Variants in PTPN22 observed in about 807,000 individuals in gnomAD.
The protein encoded by PTPN22 is tyrosine-protein phosphatase non-receptor type 22.
Under a neutral mutation model 103.3 loss-of-function variants are expected in PTPN22, and 85 were observed. The observed-to-expected ratio is 0.82, with a 90% CI of 0.69 to 0.99. The LOEUF is 0.99. Ranked by LOEUF, PTPN22 falls within the 50% of genes least tolerant of loss-of-function variation. The pLI is 0.00. For synonymous variants in PTPN22, 323 were observed against 310.2 expected (o/e 1.04, Z -0.43); for missense variants, 865 against 936.9 (o/e 0.92, Z 1.00).
intron 13 of PTPN22, 37 bp from the exon 14 acceptor site, chr1:113,835,030 A>G: frequency 7.8e-7 from 1 of 1,274,846 alleles, no homozygotes; most frequent in Non-Finnish European, 1.1e-6. Context: ...ACAATTGTTA[A>G]TTAGAACAAT....
chr1:113,824,991 A>C, intron 19 of PTPN22, 151 bp downstream of exon 19: 1 of 252,234 alleles, frequency 4.0e-6, no homozygotes. Flanking sequence ...AAAAAAAAGG[A>C]GGCCTATGGG....
exon 2 of PTPN22, chr1:113,859,426 T>C: frequency 6.2e-7 from 1 of 1,613,938 alleles, no homozygotes; most frequent in Non-Finnish European, 8.5e-7. Flanking sequence ...ATAGGTTTTG[T>C]CTGCCTTGTA....
At chr1:113,835,050 A>G in intron 13 of PTPN22, 57 bp from the exon 14 acceptor site, 1 of 938,118 alleles carries the variant, frequency 1.1e-6, no homozygotes, top group South Asian at 2.3e-5. Context: ...TCCAAAGGAA[A>G]TTCTTATATT....
intron 4 of PTPN22, 124 bp downstream of exon 4, chr1:113,858,354 C>T (rs1420793803): frequency 2.0e-5 from 13 of 640,936 alleles, no homozygotes; most frequent in East Asian, 6.1e-5. Context: ...TTTCCTTGGA[C>T]AAGAATGGCA....
At chr1:113,819,529 A>T in intron 20 of PTPN22, 48 bp downstream of exon 20, 2 of 1,398,644 alleles carry the variant, frequency 1.4e-6, no homozygotes, top group Non-Finnish European at 2.0e-6. Context: ...ACTGTAAATG[A>T]GTAATTTAGG....
chr1:113,831,167 C>T (rs1662511135), intron 16 of PTPN22, among the ~76,000 whole-genome samples: 1 of 152,148 alleles, frequency 6.6e-6, no homozygotes, highest in African/African-American at 2.4e-5. Flanking sequence ...ACTCCCCTAA[C>T]AAAGAACCCA....
At chr1:113,839,131 G>A (rs1307509637) in intron 11 of PTPN22, among the ~76,000 whole-genome samples, 1 of 152,054 alleles carries the variant, frequency 6.6e-6, no homozygotes, top group East Asian at 1.9e-4. Context: ...TCCAAATTTT[G>A]CATGGCTGGC....
chr1:113,834,999 CA>C lies in PTPN22; in HGVS notation c.1811-7del, dbSNP rs748366120. The C allele has an allele frequency of 6.0e-6, 9 of 1,502,176 alleles. No individual in the cohort carries two copies. In the African/African-American group the frequency reaches 1.0e-4, roughly 17 times the overall value. 93.1% of individuals were successfully genotyped at this position (1,502,176 alleles called of 1,614,324 possible). Reference sequence around the variant, plus strand: ...ATCTATCCTTGGAGCAGTTGCTATCCAAAATGTCAAAAATATTGTAACAATT... The same window carrying C: ...ATCTATCCTTGGAGCAGTTGCTATCCAAATGTCAAAAATATTGTAACAATT... On this transcript the variant is annotated splice_region_variant and splice_polypyrimidine_tract_variant and intron_variant, in intron 13 of 20. Transcript: ENST00000359785.
intron 18 of PTPN22, among the ~76,000 whole-genome samples, chr1:113,826,717 T>G (rs1418401891): frequency 8.1e-5 from 10 of 123,814 alleles, no homozygotes; most frequent in African/African-American, 2.5e-4. Context: ...TCGCCCAGGC[T>G]GGAGTGCAGT....
At chr1:113,850,083 C>T (rs1029741812) in intron 10 of PTPN22, among the ~76,000 whole-genome samples, 1 of 151,884 alleles carries the variant, frequency 6.6e-6, no homozygotes, top group African/African-American at 2.4e-5. Flanking sequence ...TGGAGTCCCA[C>T]CTACTCGGGA....
At chr1:113,858,721 C>T in intron 3 of PTPN22, 148 bp from the exon 4 acceptor site, 1 of 709,612 alleles carries the variant, frequency 1.4e-6, no homozygotes, top group South Asian at 2.0e-5. Context: ...CTCACTGCAG[C>T]CTTGACCTCC....
chr1:113,864,388 TC>T, intron 1 of PTPN22: 1 of 159,326 alleles, frequency 6.3e-6, no homozygotes, highest in Non-Finnish European at 1.2e-5. Context: ...AGACCCTGTC[TC>T]CAGAAAAAAA....
At chr1:113,845,074 C>T (rs534333979) in intron 11 of PTPN22, among the ~76,000 whole-genome samples, 1 of 152,178 alleles carries the variant, frequency 6.6e-6, no homozygotes, top group East Asian at 1.9e-4. Context: ...CCACCTTGGC[C>T]TCTCAAAGTG....
chr1:113,819,012 C>G (rs1475310780), intron 20 of PTPN22, among the ~76,000 whole-genome samples: 1 of 152,104 alleles, frequency 6.6e-6, no homozygotes, highest in African/African-American at 2.4e-5. Context: ...CCACTAATTG[C>G]TATTCTTACA....
chr1:113,859,051 A>G, exon 3 of PTPN22: 1 of 1,614,012 alleles, frequency 6.2e-7, no homozygotes. Flanking sequence ...AGAGGTTATC[A>G]GGGATAGTTC....
At chr1:113,861,277 A>G (rs1265122084) in intron 1 of PTPN22, among the ~76,000 whole-genome samples, 2 of 151,846 alleles carry the variant, frequency 1.3e-5, no homozygotes, top group African/African-American at 2.4e-5. Flanking sequence ...GTCTTGCTCT[A>G]TCGCCCAGGC....
chr1:113,848,751 G>A (rs564997894), intron 10 of PTPN22, 125 bp from the exon 11 acceptor site: 49 of 852,898 alleles, frequency 5.7e-5, no homozygotes, highest in South Asian at 1.5e-4. Flanking sequence ...AAGGACGATC[G>A]GCATGTTATT....
Position 113,838,245 on chromosome 1 carries a change from G to C in PTPN22, c.1155C>G (p.Tyr385Ter). The C allele has an allele frequency of 6.2e-7, 1 of 1,614,120 alleles. No individual in the cohort carries two copies. Among genetic ancestry groups the C allele is most frequent in the Non-Finnish European group, 8.5e-7 (1 of 1,180,014 alleles). Residue 385 changes from tyrosine to a stop codon, truncating the protein, a stop_gained, in exon 13 of 21, where the codon TAC (tyrosine) becomes TAG (stop). Coordinates refer to ENST00000359785, the Ensembl canonical transcript of PTPN22. LOFTEE classifies it high-confidence loss of function. ...TTGTGTCAGCATTTTTGTCAAAACT[G>C]TAATTTAGCTCCAGAAAGTCAAAAG...
At chr1:113,853,736 C>T (rs1309796547) in intron 9 of PTPN22, among the ~76,000 whole-genome samples, 1 of 151,574 alleles carries the variant, frequency 6.6e-6, no homozygotes, top group Non-Finnish European at 1.5e-5. Flanking sequence ...GGCTGGAGTA[C>T]AGTGGCTCAA....
Sources: gnomAD v4.1 joint callset for allele counts (sites outside exome capture counted in the v4.1 genomes callset) on GRCh38, gnomAD v4.1.1 for gene constraint, MANE v1.5 for transcripts, NCBI Gene and HGNC (gene_info 2026-07-23, HGNC 2026-07-21) for gene names.